Variants in MICU2 observed in about 807,000 individuals in gnomAD.
MICU2 encodes mitochondrial calcium uptake 2.
Under a neutral mutation model 60.4 loss-of-function variants are expected in MICU2, and 64 were observed. That is an observed-to-expected ratio of 1.06 (90% confidence interval 0.87 to 1.31). The LOEUF is 1.31. Among genes scored for constraint, MICU2 ranks in the 50% most tolerant of loss-of-function variants. MICU2 has a pLI of 0.00. For synonymous variants in MICU2, 201 were observed against 175.0 expected (o/e 1.15, Z -1.17); for missense variants, 569 against 531.0 (o/e 1.07, Z -0.70).
chr13:21,534,170 A>C (rs567250216), intron 4 of MICU2, among the ~76,000 whole-genome samples: 1 of 151,832 alleles, frequency 6.6e-6, no homozygotes, highest in African/African-American at 2.4e-5. Context: ...AAATAATACC[A>C]AGTAATCCTT....
At chr13:21,498,799 A>T (rs1378914989) in intron 9 of MICU2, among the ~76,000 whole-genome samples, 1 of 145,074 alleles carries the variant, frequency 6.9e-6, no homozygotes, top group Non-Finnish European at 1.5e-5. Context: ...TATATTTACA[A>T]GATGATAGAG....
intron 9 of MICU2, chr13:21,496,398 G>A (rs1885998016): frequency 2.3e-6 from 1 of 431,154 alleles, no homozygotes; most frequent in Non-Finnish European, 4.1e-6. Context: ...TGGCCCTGCT[G>A]GTGCCTTGAT....
rs746871147 is a variant in MICU2, at chr13:21,502,883, T to C, written c.933+43A>G. 12 of 1,546,060 alleles carry C rather than the reference T, an allele frequency of 7.8e-6. 1 individual carries two copies. The Admixed American group carries it at 2.0e-4, about 25-fold the overall frequency. The stretch of plus-strand genomic sequence containing the variant: ...ACTTTATGTAAACATGTCTAACTTA[T>C]TATTTCATCTTTATCACATGCATAA... On this transcript the variant is annotated intron_variant, in intron 9 of 11. Coordinates refer to ENST00000382374, the MANE Select transcript of MICU2 (RefSeq NM_152726.3).
intron 4 of MICU2, among the ~76,000 whole-genome samples, chr13:21,537,469 CTTTT>C (rs60479087): frequency 5.6e-5 from 7 of 124,048 alleles, no homozygotes; most frequent in Admixed American, 1.6e-4. Flanking sequence ...TTCTTTCTTT[CTTTT>C]TTTTTTTTTT....
In MICU2 at chr13:21,528,970, C is replaced by T. The variant is rs143495842; in HGVS notation, c.467-6320G>A. Among the ~76,000 whole-genome samples the T allele has an allele frequency of 2.8e-3, 423 of 151,916 alleles. 2 individuals carry two copies. Among genetic ancestry groups the T allele is most frequent in the African/African-American group, 9.8e-3 (407 of 41,422 alleles). ...AAGAGCGTGTGCAAAAGTATGAAAG[C>T]GTAAAAAGACGTGGCACACTGTGCA... is the stretch of plus-strand genomic sequence containing the variant. On this transcript the variant is annotated intron_variant, in intron 4 of 11. Coordinates refer to ENST00000382374, the MANE Select transcript of MICU2 (RefSeq NM_152726.3).
At chr13:21,568,118 G>T (rs1888026961) in intron 1 of MICU2, among the ~76,000 whole-genome samples, 1 of 152,148 alleles carries the variant, frequency 6.6e-6, no homozygotes, top group South Asian at 2.1e-4. Context: ...ACTGAATACT[G>T]ATTCTATAAT....
intron 4 of MICU2, among the ~76,000 whole-genome samples, chr13:21,523,312 C>G (rs1886770760): frequency 6.6e-6 from 1 of 152,216 alleles, no homozygotes; most frequent in Admixed American, 6.5e-5. Flanking sequence ...AGAACACTGA[C>G]TAATACAGAA....
At chr13:21,590,771 C>T (rs1888562577) in intron 1 of MICU2, among the ~76,000 whole-genome samples, 1 of 152,196 alleles carries the variant, frequency 6.6e-6, no homozygotes, top group South Asian at 2.1e-4. Flanking sequence ...AGGAGGATCG[C>T]TTGAACCCAA....
intron 1 of MICU2, among the ~76,000 whole-genome samples, chr13:21,585,848 A>T (rs1888444725): frequency 6.6e-6 from 1 of 152,236 alleles, no homozygotes; most frequent in South Asian, 2.1e-4. Flanking sequence ...TACTCACAAA[A>T]TAAAAAATGA....
At chr13:21,509,913 G>T in intron 8 of MICU2, 91 bp downstream of exon 8, 1 of 660,208 alleles carries the variant, frequency 1.5e-6, no homozygotes, top group Non-Finnish European at 2.5e-6. Context: ...TTAGTTTTAT[G>T]ATCTGCAGTT....
At chr13:21,527,348 CAGA>C (rs1302775002) in intron 4 of MICU2, among the ~76,000 whole-genome samples, 1 of 152,150 alleles carries the variant, frequency 6.6e-6, no homozygotes, top group Non-Finnish European at 1.5e-5. Flanking sequence ...GGCTTGATGC[CAGA>C]AGGAGGCCTT....
At chr13:21,528,215 G>C (rs948848615) in intron 4 of MICU2, among the ~76,000 whole-genome samples, 3 of 152,080 alleles carry the variant, frequency 2.0e-5, no homozygotes, top group Admixed American at 2.0e-4. Flanking sequence ...TTACGATAGA[G>C]TATAAATTTT....
chr13:21,602,094 G>A lies in MICU2; in HGVS notation c.210+1845C>T, dbSNP rs1242949688. ...ACTGCACTCCAGCCTGGGTGACAGA[G>A]ACTCCATCTCAACAACAAAAAAAAA... On this transcript the variant is annotated intron_variant, in intron 1 of 11. Transcript: ENST00000382374. Among the ~76,000 whole-genome samples, 4 of 142,756 alleles carry A rather than the reference G, an allele frequency of 2.8e-5. No homozygotes were observed. In the South Asian group the frequency reaches 6.5e-4, roughly 23 times the overall value. 93.7% of individuals were successfully genotyped at this position (142,756 alleles called of 152,430 possible). A position where few individuals can be genotyped will look rare whatever the true frequency, so the allele number is the denominator to read the frequency against.
At chr13:21,499,808 G>A (rs1475831694) in intron 9 of MICU2, among the ~76,000 whole-genome samples, 1 of 146,658 alleles carries the variant, frequency 6.8e-6, no homozygotes, top group Non-Finnish European at 1.5e-5. Context: ...AGCACTTTGG[G>A]AGGCCGAGAG....
intron 4 of MICU2, among the ~76,000 whole-genome samples, chr13:21,528,006 T>A (rs1886897541): frequency 6.6e-6 from 1 of 152,230 alleles, no homozygotes; most frequent in Non-Finnish European, 1.5e-5. Flanking sequence ...AGAGATTGGA[T>A]TATCCCACCT....
chr13:21,551,472 A>G (rs903702685), intron 2 of MICU2: 2 of 152,052 alleles, frequency 1.3e-5, no homozygotes, highest in Non-Finnish European at 2.9e-5. Context: ...GTTTTAGGGT[A>G]CATGTGCACA....
At chr13:21,514,213 A>C (rs1886504470) in intron 7 of MICU2, 140 bp downstream of exon 7, 1 of 629,736 alleles carries the variant, frequency 1.6e-6, no homozygotes, top group Admixed American at 3.1e-5. Flanking sequence ...TTGTTGACTG[A>C]AAAGTTATGT....
chr13:21,562,960 G>A (rs1887882917), intron 2 of MICU2, among the ~76,000 whole-genome samples: 1 of 152,056 alleles, frequency 6.6e-6, no homozygotes, highest in Non-Finnish European at 1.5e-5. Flanking sequence ...TGGTTTGTCT[G>A]AGAATGTATT....
At chr13:21,579,162 C>A (rs1007059515) in intron 1 of MICU2, among the ~76,000 whole-genome samples, 13 of 152,112 alleles carry the variant, frequency 8.5e-5, no homozygotes, top group African/African-American at 2.9e-4. Context: ...AGATATTATA[C>A]CAAAACAGGT....
Sources: gnomAD v4.1 joint callset for allele counts (sites outside exome capture counted in the v4.1 genomes callset) on GRCh38, gnomAD v4.1.1 for gene constraint, MANE v1.5 for transcripts, NCBI Gene and HGNC (gene_info 2026-07-23, HGNC 2026-07-21) for gene names.